SGCZ: variants seen among roughly 807,000 people sequenced by gnomAD.
SGCZ encodes zeta-sarcoglycan.
SGCZ carries 40 observed loss-of-function variants against 41.3 expected under a neutral mutation model. The observed-to-expected ratio is 0.97, with a 90% CI of 0.75 to 1.26. SGCZ has a LOEUF of 1.26. Among genes scored for constraint, SGCZ ranks in the 50% most tolerant of loss-of-function variants. The probability of loss-of-function intolerance (pLI) is 0.00; values close to 1 mark genes in which losing one functional copy is unlikely to be tolerated. For missense variants in SGCZ, 552 were observed against 369.8 expected (o/e 1.49, Z -4.04); for synonymous variants, 206 against 137.5 (o/e 1.50, Z -3.49).
chr8:14,109,326 C>A (rs1414089783), intron 5 of SGCZ, among the ~76,000 whole-genome samples: 2 of 151,910 alleles, frequency 1.3e-5, no homozygotes, highest in African/African-American at 4.8e-5. Context: ...TTTAACTGAG[C>A]AAAATGGAAG....
At chr8:14,894,909 T>A (rs969106819) in intron 1 of SGCZ, among the ~76,000 whole-genome samples, 6 of 152,122 alleles carry the variant, frequency 3.9e-5, no homozygotes, top group African/African-American at 1.2e-4. Context: ...AGGAAAACTA[T>A]ATTAAAAAAT....
intron 4 of SGCZ, among the ~76,000 whole-genome samples, chr8:14,217,173 G>T (rs1289386387): frequency 6.6e-6 from 1 of 151,628 alleles, no homozygotes; most frequent in African/African-American, 2.4e-5. Context: ...GCAGGCACCT[G>T]TAGTCCTAGC....
intron 2 of SGCZ, among the ~76,000 whole-genome samples, chr8:14,514,750 T>A (rs958053104): frequency 4.9e-5 from 7 of 143,706 alleles, no homozygotes; most frequent in Non-Finnish European, 1.1e-4. Flanking sequence ...TAAATATATG[T>A]AAGTATGTGT....
intron 1 of SGCZ, among the ~76,000 whole-genome samples, chr8:14,668,108 G>A (rs576975917): frequency 4.6e-5 from 7 of 151,906 alleles, no homozygotes; most frequent in East Asian, 1.9e-4. Flanking sequence ...AGGCACCCCC[G>A]CCACCACACC....
chr8:15,100,490 A>C (rs1380079020), intron 1 of SGCZ, among the ~76,000 whole-genome samples: 2 of 152,236 alleles, frequency 1.3e-5, no homozygotes, highest in Admixed American at 6.5e-5. Flanking sequence ...CATGTTCATG[A>C]ATAGGAAGAC....
At chr8:15,102,907 A>G (rs1014013281) in intron 1 of SGCZ, among the ~76,000 whole-genome samples, 2 of 152,186 alleles carry the variant, frequency 1.3e-5, no homozygotes, top group Admixed American at 6.5e-5. Flanking sequence ...CTGTGAGTAG[A>G]TTCTACTAAC....
chr8:14,433,450 T>C (rs1317119459), intron 2 of SGCZ, among the ~76,000 whole-genome samples: 5 of 152,136 alleles, frequency 3.3e-5, no homozygotes, highest in African/African-American at 4.8e-5. Context: ...GCAATGCATA[T>C]TGGTGAGAAA....
intron 1 of SGCZ, among the ~76,000 whole-genome samples, chr8:14,813,888 G>C (rs931243420): frequency 6.6e-6 from 1 of 152,138 alleles, no homozygotes; most frequent in African/African-American, 2.4e-5. Context: ...TGGAGGCAGA[G>C]GTTGCAGTGA....
chr8:15,080,584 G>C (rs1259888069), intron 1 of SGCZ, among the ~76,000 whole-genome samples: 1 of 151,836 alleles, frequency 6.6e-6, no homozygotes, highest in Non-Finnish European at 1.5e-5. Context: ...TAATATGCTT[G>C]GTATCTTTAT....
At chr8:14,972,116 T>C (rs79335168) in intron 1 of SGCZ, among the ~76,000 whole-genome samples, 3,353 of 152,222 alleles carry the variant, frequency 0.022, 143 homozygotes, top group African/African-American at 0.077. Flanking sequence ...GTATTATTTC[T>C]TCCTTAAATG....
At chr8:14,506,601 T>C (rs1272301407) in intron 2 of SGCZ, among the ~76,000 whole-genome samples, 2 of 152,104 alleles carry the variant, frequency 1.3e-5, no homozygotes, top group Admixed American at 6.6e-5. Flanking sequence ...CTTGACAAAA[T>C]TTTCTTTTTG....
chr8:14,321,661 T>C (rs1487691988), intron 3 of SGCZ, among the ~76,000 whole-genome samples: 1 of 152,088 alleles, frequency 6.6e-6, no homozygotes, highest in Admixed American at 6.6e-5. Context: ...GAAATCAAAA[T>C]TATTCTACCC....
At chr8:14,389,132 A>G (rs1368297562) in intron 2 of SGCZ, among the ~76,000 whole-genome samples, 1 of 152,004 alleles carries the variant, frequency 6.6e-6, no homozygotes, top group Admixed American at 6.6e-5. Context: ...GGCAGATTAA[A>G]TACTGTTGAG....
intron 3 of SGCZ, among the ~76,000 whole-genome samples, chr8:14,239,719 G>T (rs1041720915): frequency 6.6e-6 from 1 of 150,964 alleles, no homozygotes. Flanking sequence ...CGGCTAAAAC[G>T]GTGAAACCCC....
intron 1 of SGCZ, among the ~76,000 whole-genome samples, chr8:14,666,229 G>A (rs192399778): frequency 1.3e-5 from 2 of 152,072 alleles, no homozygotes; most frequent in Admixed American, 1.3e-4. Flanking sequence ...ATGTTTGTAG[G>A]GCATAAAAGG....
chr8:14,819,701 G>C (rs576176568), intron 1 of SGCZ, among the ~76,000 whole-genome samples: 1 of 152,058 alleles, frequency 6.6e-6, no homozygotes, highest in Non-Finnish European at 1.5e-5. Context: ...AGATAAATAA[G>C]TAAATTAGAG....
chr8:15,017,837 T>G (rs146912170), intron 1 of SGCZ, among the ~76,000 whole-genome samples: 732 of 152,254 alleles, frequency 4.8e-3, no homozygotes, highest in East Asian at 0.011. Context: ...TTAGTTGGGC[T>G]CCACTAACAT....
rs1269798824 is a variant in SGCZ, at chr8:14,588,144, T to A, written c.40-33218A>T. On this transcript the variant is annotated intron_variant, in intron 1 of 7. Coordinates refer to ENST00000382080, the MANE Select transcript of SGCZ (RefSeq NM_139167.4). ...AGTAAGAATTTTGTGTCTATGTTAT[T>A]AGACCAAATTAGAATATGATAAAAT... Among the ~76,000 whole-genome samples, 2 of 151,876 alleles carry A rather than the reference T, an allele frequency of 1.3e-5. 1 individual carries two copies. Among genetic ancestry groups the A allele is most frequent in the South Asian group, 4.1e-4 (2 of 4,826 alleles).
chr8:14,640,602 C>CCA (rs1314167887), intron 1 of SGCZ, among the ~76,000 whole-genome samples: 36 of 138,024 alleles, frequency 2.6e-4, no homozygotes, highest in Middle Eastern at 7.1e-3. Context: ...AACCAAAACA[C>CCA]CACACATATA....
Sources: gnomAD v4.1 joint callset for allele counts (sites outside exome capture counted in the v4.1 genomes callset) on GRCh38, gnomAD v4.1.1 for gene constraint, MANE v1.5 for transcripts, NCBI Gene and HGNC (gene_info 2026-07-23, HGNC 2026-07-21) for gene names.